The following SGK3 variants were observed in gnomAD, a reference collection of about 807,000 sequenced individuals.
SGK3 encodes serine/threonine-protein kinase Sgk3.
Under a neutral mutation model 68.5 loss-of-function variants are expected in SGK3, and 47 were observed. The ratio of observed to expected loss-of-function variants is 0.69; its 90% CI spans 0.54 to 0.87. The LOEUF is 0.87. SGK3 is among the 40% of genes least tolerant of loss of function. SGK3 has a pLI of 0.00. For missense variants in SGK3, 479 were observed against 575.5 expected (o/e 0.83, Z 1.72); for synonymous variants, 181 against 189.1 (o/e 0.96, Z 0.35).
intron 16 of SGK3, among the ~76,000 whole-genome samples, chr8:66,855,201 C>A (rs1212394169): frequency 6.6e-6 from 1 of 152,082 alleles, no homozygotes; most frequent in African/African-American, 2.4e-5. Context: ...CATTTCATTT[C>A]ATTTATTGAT....
chr8:66,796,140 TTTTA>T (rs1807672441), intron 2 of SGK3, among the ~76,000 whole-genome samples: 1 of 151,476 alleles, frequency 6.6e-6, no homozygotes, highest in African/African-American at 2.4e-5. Context: ...TTTTTATTTA[TTTTA>T]TTTATTTTTT....
At chr8:66,774,268 C>T (rs528435798) in intron 1 of SGK3, among the ~76,000 whole-genome samples, 2 of 152,150 alleles carry the variant, frequency 1.3e-5, no homozygotes, top group African/African-American at 4.8e-5. Flanking sequence ...TAAAGGTTAC[C>T]GTATGTCAAT....
intron 1 of SGK3, among the ~76,000 whole-genome samples, chr8:66,727,281 G>T (rs962810454): frequency 2.6e-5 from 4 of 152,132 alleles, no homozygotes; most frequent in Admixed American, 6.6e-5. Context: ...ATTTTTTGTA[G>T]ACACAGGGTT....
intron 1 of SGK3, among the ~76,000 whole-genome samples, chr8:66,752,459 A>G (rs1805846345): frequency 6.6e-6 from 1 of 152,114 alleles, no homozygotes; most frequent in South Asian, 2.1e-4. Flanking sequence ...ATGATAATTT[A>G]AGATAGCATT....
At chr8:66,785,821 C>T (rs1037377817) in intron 1 of SGK3, among the ~76,000 whole-genome samples, 5 of 152,208 alleles carry the variant, frequency 3.3e-5, no homozygotes, top group Non-Finnish European at 5.9e-5. Flanking sequence ...TCCATTCTAA[C>T]GAACTTAAGC....
chr8:66,826,636 CTTTATTTTAT>C (rs567720764), intron 6 of SGK3, among the ~76,000 whole-genome samples: 45 of 151,760 alleles, frequency 3.0e-4, no homozygotes, highest in Non-Finnish European at 5.0e-4. Flanking sequence ...TGAGAAACTT[CTTTATTTTAT>C]TTTATTTTAT....
chr8:66,726,075 C>T (rs1804977372), intron 1 of SGK3, among the ~76,000 whole-genome samples: 1 of 152,132 alleles, frequency 6.6e-6, no homozygotes, highest in Non-Finnish European at 1.5e-5. Flanking sequence ...TCAAGTTGTA[C>T]ACGCTAAGCC....
intron 16 of SGK3, among the ~76,000 whole-genome samples, chr8:66,855,957 A>G (rs753938439): frequency 2.0e-5 from 3 of 152,232 alleles, no homozygotes; most frequent in Non-Finnish European, 1.5e-5. Flanking sequence ...ATATATATGG[A>G]TGAGTTAACT....
intron 1 of SGK3, among the ~76,000 whole-genome samples, chr8:66,791,804 C>T (rs1277134295): frequency 1.3e-5 from 2 of 152,140 alleles, no homozygotes; most frequent in East Asian, 3.9e-4. Flanking sequence ...CAGGACAGGG[C>T]CAGTCTGCCT....
chr8:66,806,391 T>C (rs1808164905), intron 4 of SGK3, among the ~76,000 whole-genome samples: 1 of 152,204 alleles, frequency 6.6e-6, no homozygotes, highest in Non-Finnish European at 1.5e-5. Context: ...TTACTAAATA[T>C]ATGAACCCAT....
chr8:66,773,876 T>C (rs902421995), intron 1 of SGK3, among the ~76,000 whole-genome samples: 8 of 152,280 alleles, frequency 5.3e-5, no homozygotes, highest in African/African-American at 1.9e-4. Context: ...TTCAGACTGT[T>C]GGTCAAAAAA....
intron 1 of SGK3, among the ~76,000 whole-genome samples, chr8:66,787,431 G>A (rs776956177): frequency 1.3e-5 from 2 of 152,230 alleles, no homozygotes; most frequent in African/African-American, 2.4e-5. Flanking sequence ...TCTTGCTTCT[G>A]TGAAGACAGA....
At chr8:66,842,233 T>C (rs1181060614) in intron 13 of SGK3, among the ~76,000 whole-genome samples, 1 of 150,926 alleles carries the variant, frequency 6.6e-6, no homozygotes, top group African/African-American at 2.4e-5. Flanking sequence ...CTTTTTTTTT[T>C]TTTTTGAGAT....
chr8:66,766,945 G>C (rs193300905), intron 1 of SGK3, among the ~76,000 whole-genome samples: 4 of 152,122 alleles, frequency 2.6e-5, no homozygotes, highest in Non-Finnish European at 4.4e-5. Context: ...TCTGCCTCCC[G>C]GGTTCAAGCA....
intron 1 of SGK3, among the ~76,000 whole-genome samples, chr8:66,713,390 T>G (rs986214050): frequency 1.3e-5 from 2 of 152,246 alleles, no homozygotes; most frequent in Non-Finnish European, 2.9e-5. Context: ...TCTGTCATTT[T>G]TAGTCATCGT....
intron 1 of SGK3, among the ~76,000 whole-genome samples, chr8:66,759,044 C>T (rs1319663705): frequency 6.6e-6 from 1 of 151,098 alleles, no homozygotes; most frequent in Admixed American, 6.6e-5. Flanking sequence ...CTGCCTCTGT[C>T]TTAATAAGGC....
At chr8:66,805,838 T>C (rs1028501936) in intron 4 of SGK3, among the ~76,000 whole-genome samples, 4 of 152,190 alleles carry the variant, frequency 2.6e-5, no homozygotes, top group African/African-American at 9.7e-5. Context: ...CATGTCTGTG[T>C]AAGAAAAGAA....
chr8:66,778,020 CTGTTT>C (rs1424267991), intron 1 of SGK3: 1 of 152,282 alleles, frequency 6.6e-6, no homozygotes, highest in East Asian at 1.9e-4. Context: ...GCTGCCCTTT[CTGTTT>C]TGAGTTCCCA....
chr8:66,764,490 G>C (rs1806259800), intron 1 of SGK3, among the ~76,000 whole-genome samples: 1 of 151,872 alleles, frequency 6.6e-6, no homozygotes, highest in Non-Finnish European at 1.5e-5. Flanking sequence ...TGTTTTTTGA[G>C]AAAGGGCCTC....
Sources: allele counts gnomAD v4.1 joint callset (sites outside exome capture counted in the v4.1 genomes callset), GRCh38; gene constraint gnomAD v4.1.1; transcripts MANE v1.5; gene names NCBI Gene and HGNC (gene_info 2026-07-23, HGNC 2026-07-21).